Variants in C12orf54 observed in about 807,000 individuals in gnomAD.
The protein encoded by C12orf54 is uncharacterized protein C12orf54.
In C12orf54, 24 loss-of-function variants were observed where a neutral mutation model predicts 26.4. The ratio of observed to expected loss-of-function variants is 0.91; its 90% CI spans 0.66 to 1.28. The LOEUF is 1.28. Among genes scored for constraint, C12orf54 ranks in the 50% most tolerant of loss-of-function variants. The probability of loss-of-function intolerance (pLI) is 0.00; values close to 1 mark genes in which losing one functional copy is unlikely to be tolerated. For synonymous variants in C12orf54, 54 were observed against 47.0 expected, an observed-to-expected ratio of 1.15 and a Z score of -0.61; for missense variants, 154 against 150.9, an observed-to-expected ratio of 1.02 and a Z score of -0.11.
At chr12:48,441,565 T>TAA in the C12orf54 span, among the ~76,000 whole-genome samples, 1 of 151,582 alleles carries the variant, frequency 6.6e-6, no homozygotes, top group Non-Finnish European at 1.5e-5. Flanking sequence ...ATGACAGGGG[T>TAA]TGGGGGTGGG....
the C12orf54 span, among the ~76,000 whole-genome samples, chr12:48,465,499 G>C: frequency 6.6e-6 from 1 of 152,144 alleles, no homozygotes; most frequent in East Asian, 1.9e-4. Flanking sequence ...CTGGAAGAAA[G>C]TGTGGCAATT....
the C12orf54 span, among the ~76,000 whole-genome samples, chr12:48,451,223 G>A: frequency 2.6e-5 from 4 of 151,482 alleles, no homozygotes; most frequent in South Asian, 4.2e-4. Flanking sequence ...AGAGAATTAA[G>A]ACAAAAACCA....
the C12orf54 span, among the ~76,000 whole-genome samples, chr12:48,456,055 C>T: frequency 6.6e-6 from 1 of 152,160 alleles, no homozygotes; most frequent in South Asian, 2.1e-4. Context: ...AAGCTCTTAG[C>T]TAATATTATG....
chr12:48,481,210 TAA>T (rs66958027), upstream of C12orf54, among the ~76,000 whole-genome samples: 163 of 151,160 alleles, frequency 1.1e-3, no homozygotes, highest in African/African-American at 3.2e-3. Flanking sequence ...GTTTTTTTTT[TAA>T]AAAAAATGAC....
At chr12:48,417,978 C>G in the C12orf54 span, among the ~76,000 whole-genome samples, 1 of 152,166 alleles carries the variant, frequency 6.6e-6, no homozygotes, top group East Asian at 1.9e-4. Flanking sequence ...TGTATCCAAT[C>G]CAGCGTTGAT....
chr12:48,486,560 T>C, intron 3 of C12orf54, 128 bp from the exon 4 acceptor site: 7 of 940,000 alleles, frequency 7.4e-6, no homozygotes, highest in South Asian at 1.6e-5. Context: ...GCCTGAGAAA[T>C]GGGGTGATTT....
the C12orf54 span, among the ~76,000 whole-genome samples, chr12:48,443,320 G>A: frequency 6.6e-6 from 1 of 152,224 alleles, no homozygotes; most frequent in Non-Finnish European, 1.5e-5. Context: ...TGGTGTCTCT[G>A]AGGGTGTTAG....
At chr12:48,459,798 A>G in the C12orf54 span, among the ~76,000 whole-genome samples, 41 of 152,296 alleles carry the variant, frequency 2.7e-4, no homozygotes, top group African/African-American at 9.6e-4. Context: ...TGTCCAGCAG[A>G]ATCGCACAGG....
At chr12:48,433,258 C>T in the C12orf54 span, among the ~76,000 whole-genome samples, 7 of 152,298 alleles carry the variant, frequency 4.6e-5, no homozygotes, top group East Asian at 1.9e-4. Flanking sequence ...AGTGCTTGTG[C>T]GTTCATGGAC....
the C12orf54 span, among the ~76,000 whole-genome samples, chr12:48,434,348 C>A: frequency 6.6e-6 from 1 of 152,340 alleles, no homozygotes; most frequent in Non-Finnish European, 1.5e-5. Flanking sequence ...AGGGCACAGA[C>A]AAACAAAAGA....
the C12orf54 span, chr12:48,442,722 C>T: frequency 6.2e-6 from 1 of 161,806 alleles, no homozygotes; most frequent in Non-Finnish European, 1.4e-5. Context: ...AGCTTAGGTG[C>T]AGTGACAGAG....
the C12orf54 span, among the ~76,000 whole-genome samples, chr12:48,472,405 G>A: frequency 6.6e-6 from 1 of 152,110 alleles, no homozygotes; most frequent in Admixed American, 6.5e-5. Context: ...CACTGTAAAG[G>A]TACAGCCAAT....
the C12orf54 span, among the ~76,000 whole-genome samples, chr12:48,476,356 G>A: frequency 6.6e-6 from 1 of 152,126 alleles, no homozygotes; most frequent in Non-Finnish European, 1.5e-5. Flanking sequence ...AAAATAACCA[G>A]CTAACATCAT....
chr12:48,427,353 T>C, the C12orf54 span, among the ~76,000 whole-genome samples: 1 of 152,206 alleles, frequency 6.6e-6, no homozygotes, highest in South Asian at 2.1e-4. Flanking sequence ...TTTTTGTCTT[T>C]AGTTCTGTTT....
chr12:48,472,643 C>T, the C12orf54 span: 2 of 1,613,676 alleles, frequency 1.2e-6, no homozygotes, highest in South Asian at 2.2e-5. Flanking sequence ...GCTCAGGAGC[C>T]TCTGCAGAGA....
chr12:48,492,437 C>G (rs980304176), intron 6 of C12orf54, among the ~76,000 whole-genome samples: 5 of 152,284 alleles, frequency 3.3e-5, no homozygotes, highest in Admixed American at 1.3e-4. Context: ...TCCTCAGAAG[C>G]CTGATTTCCA....
At chr12:48,485,485 C>T (rs761776123) in intron 2 of C12orf54, among the ~76,000 whole-genome samples, 1 of 152,080 alleles carries the variant, frequency 6.6e-6, no homozygotes, top group Admixed American at 6.5e-5. Context: ...TAGCAGGAAC[C>T]CCTGGGCAAG....
At chr12:48,471,936 T>C in the C12orf54 span, among the ~76,000 whole-genome samples, 2 of 152,160 alleles carry the variant, frequency 1.3e-5, no homozygotes, top group African/African-American at 4.8e-5. Flanking sequence ...CTTTGGGGAA[T>C]ATGACCGTTT....
chr12:48,444,178 A>G, the C12orf54 span, among the ~76,000 whole-genome samples: 1 of 152,220 alleles, frequency 6.6e-6, no homozygotes, highest in East Asian at 1.9e-4. Flanking sequence ...GAAAACCTAA[A>G]TACTTCTGTC....
Sources: gnomAD v4.1 joint callset for allele counts (sites outside exome capture counted in the v4.1 genomes callset) on GRCh38, gnomAD v4.1.1 for gene constraint, MANE v1.5 for transcripts, NCBI Gene and HGNC (gene_info 2026-07-23, HGNC 2026-07-21) for gene names.